ZMIZ1: variants seen among roughly 807,000 people sequenced by gnomAD.
The protein encoded by ZMIZ1 is zinc finger MIZ domain-containing protein 1.
ZMIZ1 carries 17 observed loss-of-function variants against 113.9 expected under a neutral mutation model. That is an observed-to-expected ratio of 0.15 (90% CI 0.10 to 0.22). ZMIZ1 has a LOEUF of 0.22. Among genes scored for constraint, ZMIZ1 ranks in the 10% least tolerant of loss-of-function variants. The pLI is 1.00. For missense variants in ZMIZ1, 1,059 were observed against 1,477.8 expected (o/e 0.72, Z 4.65); for synonymous variants, 607 against 603.1 (o/e 1.01, Z -0.09).
intron 4 of ZMIZ1, among the ~76,000 whole-genome samples, chr10:79,193,509 C>T (rs1019904722): frequency 6.6e-6 from 1 of 152,188 alleles, no homozygotes; most frequent in Admixed American, 6.5e-5. Flanking sequence ...GTACACCCAG[C>T]AATGGGCGTG....
chr10:79,074,646 T>A (rs955187440), intron 1 of ZMIZ1, among the ~76,000 whole-genome samples: 1 of 152,238 alleles, frequency 6.6e-6, no homozygotes, highest in Non-Finnish European at 1.5e-5. Flanking sequence ...CTGTAGTCCC[T>A]CTTCGGGCTG....
At chr10:79,234,888 G>C (rs1849530216) in intron 7 of ZMIZ1, among the ~76,000 whole-genome samples, 1 of 152,226 alleles carries the variant, frequency 6.6e-6, no homozygotes, top group Non-Finnish European at 1.5e-5. Context: ...ATCTACACTA[G>C]ATGTCTTCAC....
chr10:79,072,205 G>A (rs966159950), intron 1 of ZMIZ1, among the ~76,000 whole-genome samples: 7 of 152,324 alleles, frequency 4.6e-5, no homozygotes, highest in Non-Finnish European at 8.8e-5. Flanking sequence ...ACAGCCAGGG[G>A]CAAAATGAAG....
chr10:79,092,667 T>G (rs896647810), intron 1 of ZMIZ1, among the ~76,000 whole-genome samples: 3 of 152,184 alleles, frequency 2.0e-5, no homozygotes, highest in Non-Finnish European at 4.4e-5. Flanking sequence ...GACATTTCTT[T>G]GCACTTCCTG....
chr10:79,260,325 A>G (rs917766139), intron 7 of ZMIZ1, among the ~76,000 whole-genome samples: 4 of 152,226 alleles, frequency 2.6e-5, no homozygotes, highest in Non-Finnish European at 5.9e-5. Context: ...GCAGGTGGTG[A>G]TAGGTGCTCT....
At chr10:79,286,929 C>T (rs895413574) in intron 8 of ZMIZ1, among the ~76,000 whole-genome samples, 1 of 152,198 alleles carries the variant, frequency 6.6e-6, no homozygotes, top group African/African-American at 2.4e-5. Context: ...TAGGAACTTC[C>T]GTCTCAAGGC....
chr10:79,229,574 C>T (rs554411989), intron 7 of ZMIZ1, among the ~76,000 whole-genome samples: 1 of 152,322 alleles, frequency 6.6e-6, no homozygotes, highest in African/African-American at 2.4e-5. Context: ...CATTAGCAGT[C>T]TGCCTTTCAA....
At chr10:79,074,051 CCT>C (rs1247265285) in intron 1 of ZMIZ1, among the ~76,000 whole-genome samples, 1 of 152,198 alleles carries the variant, frequency 6.6e-6, no homozygotes, top group African/African-American at 2.4e-5. Flanking sequence ...AACCACAGCC[CCT>C]CTCCTTTGTA....
chr10:79,226,960 T>C (rs1384750319), intron 7 of ZMIZ1, among the ~76,000 whole-genome samples: 8 of 152,224 alleles, frequency 5.3e-5, no homozygotes, highest in Non-Finnish European at 2.9e-5. Flanking sequence ...AGGCACTGCC[T>C]TGAGTATCCA....
chr10:79,096,203 A>T (rs983640164), intron 1 of ZMIZ1, among the ~76,000 whole-genome samples: 1 of 152,176 alleles, frequency 6.6e-6, no homozygotes, highest in African/African-American at 2.4e-5. Context: ...AAATGTTTGC[A>T]CAAGGAGTTA....
intron 21 of ZMIZ1, among the ~76,000 whole-genome samples, 168 bp from the exon 22 acceptor site, chr10:79,305,932 A>G (rs1339187786): frequency 6.6e-6 from 1 of 152,162 alleles, no homozygotes; most frequent in African/African-American, 2.4e-5. Flanking sequence ...CCATATGTCA[A>G]AGATATATAG....
chr10:79,100,779 G>C (rs774806938), intron 1 of ZMIZ1, among the ~76,000 whole-genome samples: 1 of 152,190 alleles, frequency 6.6e-6, no homozygotes, highest in Non-Finnish European at 1.5e-5. Context: ...GCTGGTAGGG[G>C]GTGAGGATGG....
At chr10:79,263,165 G>A (rs898270721) in intron 7 of ZMIZ1, among the ~76,000 whole-genome samples, 5 of 152,264 alleles carry the variant, frequency 3.3e-5, no homozygotes, top group Admixed American at 1.3e-4. Flanking sequence ...GGTGCCATGC[G>A]CTCCTGAGCT....
chr10:79,316,217 CCAT>C lies in ZMIZ1; in HGVS notation c.*3473_*3475del, dbSNP rs1322324523. 2 of 152,588 alleles carry C rather than the reference CCAT, an allele frequency of 1.3e-5. No homozygotes were observed. Among genetic ancestry groups the C allele is most frequent in the African/African-American group, 2.4e-5 (1 of 41,466 alleles). The allele number at this position is 152,588 out of a possible 1,614,324, so 9.5% of individuals were successfully genotyped here. ...CAGCCTGAAGTAACTCCCACAGAAACCATCATCGTCTTTGTACATCGTATGTAC... is the reference window on the plus strand; with the variant it reads ...CAGCCTGAAGTAACTCCCACAGAAACCATCGTCTTTGTACATCGTATGTAC... On this transcript the variant is annotated 3_prime_UTR_variant, in exon 25 of 25. Transcript: ENST00000334512.
intron 8 of ZMIZ1, among the ~76,000 whole-genome samples, chr10:79,279,941 G>A (rs1852603764): frequency 6.6e-6 from 1 of 152,134 alleles, no homozygotes; most frequent in South Asian, 2.1e-4. Flanking sequence ...AGGTATCAGA[G>A]GGAGAGACCG....
chr10:79,300,702 C>T (rs776137052), intron 16 of ZMIZ1, 30 bp from the exon 17 acceptor site: 21 of 1,605,162 alleles, frequency 1.3e-5, no homozygotes, highest in Non-Finnish European at 1.8e-5. Context: ...CCTGGCAGAG[C>T]TGCCCTGAGC....
In ZMIZ1 at chr10:79,277,177, G is replaced by C; in HGVS notation, c.281-4G>C. 6.5e-7 allele frequency: 1 copy of C among 1,532,034 alleles called. No homozygotes were observed. The highest frequency in any genetic ancestry group is 8.8e-7 in the Non-Finnish European group (1 of 1,139,442). The allele number at this position is 1,532,034 out of a possible 1,614,324, so 94.9% of individuals were successfully genotyped here. On this transcript the variant is annotated splice_region_variant and splice_polypyrimidine_tract_variant and intron_variant, in intron 7 of 24. Transcript: ENST00000334512. ...ACCCACTGACTGTCCTGTCCTTCCT[G>C]CAGCCTTGTTGTCCTCCTGGTGCGA...
intron 1 of ZMIZ1, among the ~76,000 whole-genome samples, chr10:79,082,023 C>T (rs1192081393): frequency 6.6e-6 from 1 of 152,254 alleles, no homozygotes; most frequent in Non-Finnish European, 1.5e-5. Flanking sequence ...CAGGTGTTCC[C>T]ACCATCTAGC....
Position 79,249,077 on chromosome 10 carries a change from C to T in ZMIZ1, c.281-28104C>T, listed in dbSNP as rs1564550585. Among the ~76,000 whole-genome samples the T allele has an allele frequency of 3.3e-5, 5 of 152,286 alleles. No homozygotes were observed. The South Asian group carries it at 1.0e-3, about 32-fold the overall frequency. Reference sequence around the variant, plus strand: ...AACCCCTGTGTGTGGGAGGCCAGGACTGTGAAAAAATGGGGGGCATGTTTC... The same window carrying T: ...AACCCCTGTGTGTGGGAGGCCAGGATTGTGAAAAAATGGGGGGCATGTTTC... On this transcript the variant is annotated intron_variant, in intron 7 of 24. Transcript: ENST00000334512.
Sources: allele counts gnomAD v4.1 joint callset (sites outside exome capture counted in the v4.1 genomes callset), GRCh38; gene constraint gnomAD v4.1.1; transcripts MANE v1.5; gene names NCBI Gene and HGNC (gene_info 2026-07-23, HGNC 2026-07-21).